PLXNB3: variants seen among roughly 807,000 people sequenced by gnomAD.
The protein encoded by PLXNB3 is plexin-B3.
Under a neutral mutation model 125.7 loss-of-function variants are expected in PLXNB3, and 80 were observed. The ratio of observed to expected loss-of-function variants is 0.64; its 90% CI spans 0.53 to 0.77. The LOEUF (loss-of-function observed/expected upper bound fraction) is 0.77. PLXNB3 is among the 30% of genes least tolerant of loss of function. The probability of loss-of-function intolerance (pLI) is 0.00; values close to 1 mark genes in which losing one functional copy is unlikely to be tolerated. For synonymous variants in PLXNB3, 954 were observed against 783.3 expected, an observed-to-expected ratio of 1.22 and a Z score of -3.64; for missense variants, 1,836 against 1,729.3, an observed-to-expected ratio of 1.06 and a Z score of -1.09.
Position 153,770,611 on chromosome X carries a change from A to C in PLXNB3, c.1979A>C (p.Glu660Ala), listed in dbSNP as rs1557061408. The change falls in exon 10 of 36, where the codon GAG becomes GCG. Residue 660 changes from glutamate (E) to alanine (A), a missense_variant. Glu to Ala is a moderately radical substitution (Grantham distance 107). Coordinates refer to ENST00000361971, the MANE Select transcript of PLXNB3 (RefSeq NM_005393.3). Reference sequence around the variant, plus strand: ...TGCGTGTACGGAGAGCACTGCCCAGAGGGCGAGAGGACCATCTACAGCGCC... The same window carrying C: ...TGCGTGTACGGAGAGCACTGCCCAGCGGGCGAGAGGACCATCTACAGCGCC... ...SHCVYGEHCP[E>A]GERTIYSAQE... 8.3e-7 allele frequency: 1 copy of C among 1,210,938 alleles called. No individual in the cohort carries two copies.
chrX:153,768,791 A>G (rs1424317296), intron 4 of PLXNB3, among the ~76,000 whole-genome samples, 157 bp from the exon 5 acceptor site: 1 of 111,888 alleles, frequency 8.9e-6, no homozygotes, highest in East Asian at 2.8e-4. Context: ...CCTAGGCCTG[A>G]GGGTGCTGAG....
In PLXNB3 at chrX:153,776,463, T is replaced by C; in HGVS notation, c.4833+4T>C. ...CAACACCTTGCAACACTACAAGGTG[T>C]GAGCAGGGACGGGGCGAGGCAGGGC... On this transcript the variant is annotated splice_donor_region_variant and intron_variant, in intron 28 of 35. Transcript: ENST00000361971. The C allele has an allele frequency of 1.0e-6, 1 of 977,191 alleles. No homozygotes were observed. Among genetic ancestry groups the C allele is most frequent in the Admixed American group, 2.5e-5 (1 of 39,502 alleles). 80.5% of individuals were successfully genotyped at this position (977,191 alleles called of 1,213,427 possible). A position where few individuals can be genotyped will look rare whatever the true frequency, so the allele number is the denominator to read the frequency against.
rs1349575283 is a variant in PLXNB3, at chrX:153,767,423, G to A, written c.596G>A (p.Gly199Glu). 3.4e-6 allele frequency: 4 copies of A among 1,186,223 alleles called. No individual in the cohort carries two copies. Among genetic ancestry groups the A allele is most frequent in the Non-Finnish European group, 4.5e-6 (4 of 882,352 alleles). ...GGCCTGGCGGGCAAGCTGTCGGCAG[G>A]GGTGCCACCCCTGGCCATCCGCCAG... The part of the protein sequence containing the change: ...ARGLAGKLSA[G>E]VPPLAIRQLA... The change falls in exon 3 of 36, where the codon GGG becomes GAG. Residue 199 changes from glycine to glutamate, a missense_variant. Gly to Glu is a moderately conservative substitution (Grantham distance 98, BLOSUM62 -2). Coordinates refer to ENST00000361971, the MANE Select transcript of PLXNB3 (RefSeq NM_005393.3).
chrX:153,778,499 G>T, intron 34 of PLXNB3, 28 bp downstream of exon 34: 7 of 1,197,705 alleles, frequency 5.8e-6, no homozygotes, highest in Non-Finnish European at 7.9e-6. Flanking sequence ...GGGTGCGCCT[G>T]TCCACACGTG....
At chrX:153,772,466 G>A (rs1028062986) in intron 16 of PLXNB3, among the ~76,000 whole-genome samples, 179 bp downstream of exon 16, 14 of 112,233 alleles carry the variant, frequency 1.2e-4, no homozygotes, top group Admixed American at 7.5e-4. Flanking sequence ...TCTGAGGCAC[G>A]AAGCTCTCAG....
chrX:153,776,076 G>A lies in PLXNB3; in HGVS notation c.4591G>A (p.Gly1531Ser). Residue 1531 changes from glycine (G) to serine (S), a missense_variant, in exon 27 of 36, where the codon GGC (glycine) becomes AGC (serine). Coordinates refer to ENST00000361971, the MANE Select transcript of PLXNB3 (RefSeq NM_005393.3). ...GGGGCCCGGGGCTGGCGGGGCCGCAGGCAGCAGCGAGATGCAGCGCGTGCC... is the reference window on the plus strand; with the variant it reads ...GGGGCCCGGGGCTGGCGGGGCCGCAAGCAGCAGCGAGATGCAGCGCGTGCC... Reference protein sequence around the residue: ...LVGPGAGGAAGSSEMQRVPAR... With the variant: ...LVGPGAGGAASSSEMQRVPAR... 8.4e-7 allele frequency: 1 copy of A among 1,196,672 alleles called. No individual in the cohort carries two copies. The highest frequency in any genetic ancestry group is 1.1e-6 in the Non-Finnish European group (1 of 888,349).
In PLXNB3 at chrX:153,777,660, G is replaced by A. The variant is rs782757038; in HGVS notation, c.5233G>A (p.Gly1745Arg). The A allele has an allele frequency of 1.7e-6, 2 of 1,211,896 alleles. No individual in the cohort carries two copies. The highest frequency in any genetic ancestry group is 1.8e-5 in the South Asian group (1 of 57,039). Residue 1745 changes from glycine (G) to arginine (R), a missense_variant, in exon 31 of 36, where the codon GGG becomes AGG. By Grantham distance (125) the Gly-to-Arg change is moderately radical. Coordinates refer to ENST00000361971, the MANE Select transcript of PLXNB3 (RefSeq NM_005393.3). ...LAEKHGIEDP[G>R]TLHIWKTNSL... ...AGAGAAGCACGGCATCGAGGACCCA[G>A]GGACCCTGCACATCTGGAAGACCAA...
rs782264141 is a variant in PLXNB3 at position 153,776,018 on chromosome X, G to C, written c.4533G>C (p.Val1511=). The part of the protein sequence containing the change: ...LNDSRLLRED[V]EFQPLTLMVL... ...ATAGCCGCTTGCTGCGGGAGGACGT[G>C]GAGTTCCAGCCCCTGACGCTGATGG... The change falls in exon 27 of 36, where the codon GTG becomes GTC. Residue 1511 remains valine (V), a synonymous_variant. Coordinates refer to ENST00000361971, the MANE Select transcript of PLXNB3 (RefSeq NM_005393.3). The C allele has an allele frequency of 2.5e-6, 3 of 1,206,728 alleles. No individual in the cohort carries two copies. The highest frequency in any genetic ancestry group is 3.4e-6 in the Non-Finnish European group (3 of 893,153).
intron 34 of PLXNB3, 24 bp downstream of exon 34, chrX:153,778,495 G>A (rs782393473): frequency 8.3e-6 from 10 of 1,200,685 alleles, no homozygotes; most frequent in Non-Finnish European, 1.0e-5. Flanking sequence ...CGGGGGGTGC[G>A]CCTGTCCACA....
In PLXNB3 at chrX:153,767,588, G is replaced by C; in HGVS notation, c.761G>C (p.Arg254Pro). The change falls in exon 3 of 36, where the codon CGG (arginine) becomes CCG (proline). Residue 254 changes from arginine (R) to proline (P), a missense_variant. Physicochemically the swap from Arg to Pro is moderately radical, Grantham distance 103. Coordinates refer to ENST00000361971, the MANE Select transcript of PLXNB3 (RefSeq NM_005393.3). ...TTCGTGTTCCGCCGCCGCGGGGCCCGGGCCCAGGCTGAGTACCGCTCCTAC... is the reference window on the plus strand; with the variant it reads ...TTCGTGTTCCGCCGCCGCGGGGCCCCGGCCCAGGCTGAGTACCGCTCCTAC... ...AYFVFRRRGA[R>P]AQAEYRSYVA... The C allele has an allele frequency of 8.5e-7, 1 of 1,177,191 alleles. No homozygotes were observed. Among genetic ancestry groups the C allele is most frequent in the Non-Finnish European group, 1.1e-6 (1 of 878,305 alleles).
Position 153,778,379 on chromosome X carries a change from G to A in PLXNB3, c.5475-17G>A, listed in dbSNP as rs2092019528. ...GGAAGGGGGCTGCCCCACCCCTAAC[G>A]AAGTCTGCTCCTCCAGGTACTATGC... On this transcript the variant is annotated splice_polypyrimidine_tract_variant and intron_variant, in intron 33 of 35. Transcript: ENST00000361971. The A allele has an allele frequency of 6.6e-6, 8 of 1,209,484 alleles. No homozygotes were observed. Among genetic ancestry groups the A allele is most frequent in the African/African-American group, 1.7e-5 (1 of 57,360 alleles).
chrX:153,777,926 C>T lies in PLXNB3; in HGVS notation c.5262-22C>T, dbSNP rs200481172. Reference sequence around the variant, plus strand: ...CGATGGCAGGCCAGGGCCTCACGCCCACGCCTGCCCTGCGCCCCCAGTCTG... The same window carrying T: ...CGATGGCAGGCCAGGGCCTCACGCCTACGCCTGCCCTGCGCCCCCAGTCTG... On this transcript the variant is annotated intron_variant, in intron 31 of 35. Transcript: ENST00000361971. 1.2e-4 allele frequency: 142 copies of T among 1,192,868 alleles called. No individual in the cohort carries two copies. The African/African-American group carries it at 2.3e-3, about 19-fold the overall frequency.
intron 2 of PLXNB3, chrX:153,765,908 CG>C: frequency 1.3e-6 from 1 of 754,237 alleles, no homozygotes; most frequent in Non-Finnish European, 1.6e-6. Context: ...CTCTCACCCT[CG>C]GGGGCTCACC....
rs1557063314 is a variant in PLXNB3 at position 153,774,557 on chromosome X, C to T, written c.3816C>T (p.Leu1272=). The change falls in exon 22 of 36, where the codon CTC becomes CTT. Residue 1272 remains leucine (L), a synonymous_variant. Coordinates refer to ENST00000361971, the MANE Select transcript of PLXNB3 (RefSeq NM_005393.3). ...AAVLIAAVLL[L]TLMYRHKSKQ... Reference sequence around the variant, plus strand: ...TGCTGATTGCCGCCGTGCTCCTCCTCACCCTCATGTACAGGTGAGACCCGC... The same window carrying T: ...TGCTGATTGCCGCCGTGCTCCTCCTTACCCTCATGTACAGGTGAGACCCGC... 1 of 1,205,194 alleles carries T rather than the reference C, an allele frequency of 8.3e-7. No individual in the cohort carries two copies.
rs151025156 is a variant in PLXNB3 at position 153,770,121 on chromosome X, C to T, written c.1659C>T (p.Ile553=). The change falls in exon 8 of 36, where the codon ATC becomes ATT. Residue 553 remains isoleucine (I), a synonymous_variant. Coordinates refer to ENST00000361971, the MANE Select transcript of PLXNB3 (RefSeq NM_005393.3). ...QVTLSVPRLP[I]LDADEYFHCA... ...CTTTGTCTGTCCCCCGGCTGCCCAT[C>T]CTGGATGCAGATGAATACTTCCATT... 8.3e-7 allele frequency: 1 copy of T among 1,211,450 alleles called. No homozygotes were observed. The highest frequency in any genetic ancestry group is 1.1e-6 in the Non-Finnish European group (1 of 895,434).
rs782309301 is a variant in PLXNB3, at chrX:153,767,629, C to T, written c.802C>T (p.Leu268=). 1.7e-6 allele frequency: 2 copies of T among 1,197,171 alleles called. No individual in the cohort carries two copies. Among genetic ancestry groups the T allele is most frequent in the Admixed American group, 4.5e-5 (2 of 44,835 alleles). Residue 268 remains leucine, a synonymous_variant, in exon 3 of 36, where the codon CTG becomes TTG. Transcript: ENST00000361971. The part of the protein sequence containing the change: ...EYRSYVARVC[L]GDTNLYSYVE... ...CCGCTCCTACGTGGCCCGCGTCTGCCTGGGGGACACCAACCTGTACTCCTA... is the reference window on the plus strand; with the variant it reads ...CCGCTCCTACGTGGCCCGCGTCTGCTTGGGGGACACCAACCTGTACTCCTA...
intron 12 of PLXNB3, 65 bp from the exon 13 acceptor site, chrX:153,771,245 A>G: frequency 5.1e-6 from 5 of 982,470 alleles, no homozygotes; most frequent in East Asian, 3.0e-5. Context: ...GGGGTGGCCC[A>G]GAGGAGACAA....
rs782537275 is a variant in PLXNB3 at position 153,776,438 on chromosome X, C to T, written c.4812C>T (p.Leu1604=). The change falls in exon 28 of 36, where the codon CTC becomes CTT. Residue 1604 remains leucine (L), a synonymous_variant. Transcript: ENST00000361971. ...TGACCCAAAACCACTGGAAGAGACT[C>T]AACACCTTGCAACACTACAAGGTGT... ...TSVTQNHWKR[L]NTLQHYKVPD... is the part of the protein sequence containing the mutation. 3.6e-6 allele frequency: 4 copies of T among 1,103,418 alleles called. No individual in the cohort carries two copies. The highest frequency in any genetic ancestry group is 4.9e-6 in the Non-Finnish European group (4 of 815,037). The allele number at this position is 1,103,418 out of a possible 1,213,427, so 90.9% of individuals were successfully genotyped here. A position where few individuals can be genotyped will look rare whatever the true frequency, so the allele number is the denominator to read the frequency against.
Position 153,765,626 on chromosome X carries a change from C to T in PLXNB3, c.45+46C>T, listed in dbSNP as rs782640456. 2.3e-5 allele frequency: 27 copies of T among 1,169,349 alleles called. No individual in the cohort carries two copies. In the East Asian group the frequency reaches 7.4e-4, roughly 32 times the overall value. On this transcript the variant is annotated intron_variant, in intron 2 of 35. Transcript: ENST00000361971. ...TCCCCAGAAATGTTCCTGGGAGGGG[C>T]AGGGTAGGGCAGGATGGCTGTGGCC... is the stretch of plus-strand genomic sequence containing the variant.
Sources: allele counts gnomAD v4.1 joint callset (sites outside exome capture counted in the v4.1 genomes callset), GRCh38; gene constraint gnomAD v4.1.1; transcripts MANE v1.5; gene names NCBI Gene and HGNC (gene_info 2026-07-23, HGNC 2026-07-21).